The following MGAT5B variants were observed in gnomAD, a reference collection of about 807,000 sequenced individuals.
The protein encoded by MGAT5B is N-acetylglucosaminyl-transferase Vb.
MGAT5B carries 54 observed loss-of-function variants against 95.1 expected under a neutral mutation model. The ratio of observed to expected loss-of-function variants is 0.57; its 90% CI spans 0.46 to 0.71. MGAT5B has a LOEUF of 0.71. MGAT5B is among the 30% of genes least tolerant of loss of function. The pLI is 0.00. For missense variants in MGAT5B, 935 were observed against 1,088.6 expected (o/e 0.86, Z 1.99); for synonymous variants, 464 against 451.0 (o/e 1.03, Z -0.36).
chr17:76,948,323 C>G (rs1970100526), intron 17 of MGAT5B, among the ~76,000 whole-genome samples: 1 of 152,238 alleles, frequency 6.6e-6, no homozygotes, highest in South Asian at 2.1e-4. Flanking sequence ...ATTGCCTGCT[C>G]TCTTCCACCC....
At position 76,926,724 on chromosome 17, in the gene MGAT5B, A is replaced by C; in HGVS notation, c.1285A>C (p.Met429Leu). The change falls in exon 10 of 18, where the codon ATG (methionine) becomes CTG (leucine). Residue 429 changes from methionine to leucine, a missense_variant. Coordinates refer to ENST00000569840, the MANE Select transcript of MGAT5B (RefSeq NM_001199172.2). ...WNLNPKQFMT[M>L]FPHTPDNSFM... ...CCTCAACCCCAAGCAGTTCATGACCATGTTTCGTGAGTGCCCCACAGGGCA... is the reference window on the plus strand; with the variant it reads ...CCTCAACCCCAAGCAGTTCATGACCCTGTTTCGTGAGTGCCCCACAGGGCA... 1 of 1,612,534 alleles carries C rather than the reference A, an allele frequency of 6.2e-7. No homozygotes were observed. The highest frequency in any genetic ancestry group is 8.5e-7 in the Non-Finnish European group (1 of 1,179,818).
rs139419631 is a variant in MGAT5B at position 76,882,065 on chromosome 17, C to G, written c.182-86C>G. 1.9e-3 allele frequency: 2,751 copies of G among 1,459,244 alleles called. 42 individuals are homozygous for G. In the African/African-American group the frequency reaches 0.035, roughly 18 times the overall value. The allele number at this position is 1,459,244 out of a possible 1,614,324, so 90.4% of individuals were successfully genotyped here. On this transcript the variant is annotated intron_variant, in intron 2 of 17. Coordinates refer to ENST00000569840, the MANE Select transcript of MGAT5B (RefSeq NM_001199172.2). ...TGGTGCTGGGGGACTTTGGGGCCAGCTTTGTCTGAGCTGCCCCAGCTCGGA... is the reference window on the plus strand; with the variant it reads ...TGGTGCTGGGGGACTTTGGGGCCAGGTTTGTCTGAGCTGCCCCAGCTCGGA...
At chr17:76,932,523 G>C (rs1309811628) in intron 10 of MGAT5B, 122 bp from the exon 11 acceptor site, 3 of 1,439,570 alleles carry the variant, frequency 2.1e-6, no homozygotes, top group Non-Finnish European at 2.8e-6. Context: ...ACCGCACCCT[G>C]TGCCCCGCCC....
intron 2 of MGAT5B, among the ~76,000 whole-genome samples, chr17:76,878,474 G>A (rs1967279311): frequency 6.6e-6 from 1 of 152,076 alleles, no homozygotes; most frequent in Non-Finnish European, 1.5e-5. Flanking sequence ...ATGTCCTCAG[G>A]GTTTTTGTTT....
rs1273640980 is a variant in MGAT5B at position 76,948,683 on chromosome 17, C to G, written c.2224C>G (p.Leu742Val). ...CAGCACCGAGTCGGAGATGAACCAC[C>G]TGTACCCGGCGTTCGCCCAGCCTGG... ...CDSTESEMNH[L>V]YPAFAQPGQE... The change falls in exon 18 of 18, where the codon CTG becomes GTG. Residue 742 changes from leucine (L) to valine (V), a missense_variant. By Grantham distance (32) the Leu-to-Val change is conservative. Coordinates refer to ENST00000569840, the MANE Select transcript of MGAT5B (RefSeq NM_001199172.2). The G allele has an allele frequency of 6.2e-7, 1 of 1,613,452 alleles. No homozygotes were observed. Among genetic ancestry groups the G allele is most frequent in the Admixed American group, 1.7e-5 (1 of 59,982 alleles).
At position 76,935,727 on chromosome 17, in the gene MGAT5B, C is replaced by T. The variant is rs529931546; in HGVS notation, c.1429-2261C>T. Among the ~76,000 whole-genome samples the T allele has an allele frequency of 3.5e-5, 5 of 144,142 alleles. No individual in the cohort carries two copies. The East Asian group carries it at 5.9e-4, about 17-fold the overall frequency. 94.6% of individuals were successfully genotyped at this position (144,142 alleles called of 152,430 possible). On this transcript the variant is annotated intron_variant, in intron 12 of 17. Coordinates refer to ENST00000569840, the MANE Select transcript of MGAT5B (RefSeq NM_001199172.2). ...CTTTATATATCCTGGATCCAAGTCT[C>T]GTATCAAATATATGCTTTATAAATA...
intron 12 of MGAT5B, 49 bp from the exon 13 acceptor site, chr17:76,937,939 C>T (rs768272208): frequency 6.2e-7 from 1 of 1,600,740 alleles, no homozygotes; most frequent in African/African-American, 1.3e-5. Context: ...ATGGACTTTG[C>T]CTTCTGTGGT....
chr17:76,920,093 C>A (rs956535218), intron 8 of MGAT5B, among the ~76,000 whole-genome samples: 13 of 152,204 alleles, frequency 8.5e-5, no homozygotes, highest in African/African-American at 2.9e-4. Context: ...GAAATATATT[C>A]TAACCAGCCA....
rs979488984 is a variant in MGAT5B, at chr17:76,889,745, C to T, written c.329+7447C>T. On this transcript the variant is annotated intron_variant, in intron 3 of 17. Transcript: ENST00000569840. This position sits in a 1 kb window ranked among gnomAD's most constrained non-coding sequence, Gnocchi z 4.4. ...CACTAGAGCTTGGTGAGGAGGATCC[C>T]ATCCAGGTCTGATCCAGGCCTGCAC... Among the ~76,000 whole-genome samples, 1 of 152,200 alleles carries T rather than the reference C, an allele frequency of 6.6e-6. No homozygotes were observed. Among genetic ancestry groups the T allele is most frequent in the African/African-American group, 2.4e-5 (1 of 41,440 alleles).
At chr17:76,903,672 A>G (rs887587768) in intron 5 of MGAT5B, among the ~76,000 whole-genome samples, 1 of 152,130 alleles carries the variant, frequency 6.6e-6, no homozygotes, top group Non-Finnish European at 1.5e-5. Context: ...GGCCCAGCCA[A>G]CAGCTGGACG....
At position 76,905,537 on chromosome 17, in the gene MGAT5B, A is replaced by G. The variant is rs141880136; in HGVS notation, c.855+204A>G. Among the ~76,000 whole-genome samples the G allele has an allele frequency of 1.4e-3, 218 of 152,280 alleles. No homozygotes were observed. Among genetic ancestry groups the G allele is most frequent in the African/African-American group, 5.0e-3 (208 of 41,560 alleles). On this transcript the variant is annotated intron_variant, in intron 7 of 17. Coordinates refer to ENST00000569840, the MANE Select transcript of MGAT5B (RefSeq NM_001199172.2). This position sits in a 1 kb window ranked among gnomAD's most constrained non-coding sequence, Gnocchi z 4.2. ...TTTTCAAGGTTGGGACCAAATGACAAGCCCCCAAGAGGTCCTGCATTCTGT... is the reference window on the plus strand; with the variant it reads ...TTTTCAAGGTTGGGACCAAATGACAGGCCCCCAAGAGGTCCTGCATTCTGT...
At chr17:76,942,538 A>T (rs1733920496) in intron 15 of MGAT5B, among the ~76,000 whole-genome samples, 1 of 152,154 alleles carries the variant, frequency 6.6e-6, no homozygotes. Context: ...AAAAAATTTT[A>T]AAAAGATAAA....
chr17:76,938,250 C>G lies in MGAT5B; in HGVS notation c.1584+107C>G. The G allele has an allele frequency of 2.1e-6, 3 of 1,399,594 alleles. No homozygotes were observed. The highest frequency in any genetic ancestry group is 2.6e-5 in the South Asian group (2 of 76,922). 86.7% of individuals were successfully genotyped at this position (1,399,594 alleles called of 1,614,324 possible). A position where few individuals can be genotyped will look rare whatever the true frequency, so the allele number is the denominator to read the frequency against. Reference sequence around the variant, plus strand: ...CAGGCCCCTTCCACATATGGACATACCCCAGCATGCTCTGCTGCCCTGAGC... The same window carrying G: ...CAGGCCCCTTCCACATATGGACATAGCCCAGCATGCTCTGCTGCCCTGAGC... On this transcript the variant is annotated intron_variant, in intron 13 of 17. Transcript: ENST00000569840. The surrounding 1 kb of genome is among the most constrained non-coding windows in gnomAD (Gnocchi z 4.3).
intron 3 of MGAT5B, among the ~76,000 whole-genome samples, chr17:76,901,692 T>C (rs1032517130): frequency 6.6e-6 from 1 of 152,254 alleles, no homozygotes. Context: ...AAGCCAGTGA[T>C]AATTTACCGG....
chr17:76,931,375 G>T (rs1421991025), intron 10 of MGAT5B, among the ~76,000 whole-genome samples: 3 of 152,220 alleles, frequency 2.0e-5, no homozygotes, highest in Admixed American at 1.3e-4. Flanking sequence ...GGGATGACAG[G>T]CATGAGCCAC....
In MGAT5B at chr17:76,915,313, C is replaced by T. The variant is rs929215217; in HGVS notation, c.1025+9126C>T. On this transcript the variant is annotated intron_variant, in intron 8 of 17. Coordinates refer to ENST00000569840, the MANE Select transcript of MGAT5B (RefSeq NM_001199172.2). The surrounding 1 kb of genome is among the most constrained non-coding windows in gnomAD (Gnocchi z 8.7). ...GAGAAGGAGAAGAGACCAGGGTATA[C>T]TGTAAATGCAGCGGGGTGGGGGGCC... Among the ~76,000 whole-genome samples the T allele has an allele frequency of 1.4e-4, 19 of 139,916 alleles. No individual in the cohort carries two copies. The highest frequency in any genetic ancestry group is 5.1e-4 in the African/African-American group (19 of 37,614). 91.8% of individuals were successfully genotyped at this position (139,916 alleles called of 152,430 possible).
chr17:76,941,281 G>A (rs139421977), intron 15 of MGAT5B, among the ~76,000 whole-genome samples: 39 of 152,338 alleles, frequency 2.6e-4, no homozygotes, highest in African/African-American at 9.1e-4. Flanking sequence ...CTGTTAATGC[G>A]GGGCAACGCT....
In MGAT5B at chr17:76,939,029, G is replaced by GGGGGGGT. The variant is rs1237086611; in HGVS notation, c.1584+887_1584+888insGGGGGTG. On this transcript the variant is annotated intron_variant, in intron 13 of 17. Transcript: ENST00000569840. ...AGCTTGTTTCCCAAGGCATCTTGGG[G>GGGGGGGT]GTGTGTGTGTGTGTGTGTGTGTGTG... Among the ~76,000 whole-genome samples the GGGGGGGT allele has an allele frequency of 4.0e-4, 51 of 128,256 alleles. No individual in the cohort carries two copies. In the East Asian group the frequency reaches 4.6e-3, roughly 12 times the overall value. The allele number at this position is 128,256 out of a possible 152,430, so 84.1% of individuals were successfully genotyped here.
rs1490327115 is a variant in MGAT5B, at chr17:76,940,628, G to C, written c.1731+80G>C. The C allele has an allele frequency of 1.3e-6, 2 of 1,585,316 alleles. No individual in the cohort carries two copies. Among genetic ancestry groups the C allele is most frequent in the African/African-American group, 2.7e-5 (2 of 74,492 alleles). ...GCAGGTCCTGGAAGAGGCAGACTGA[G>C]ATGTGGGGCAAAAGGAGATAGGACA... On this transcript the variant is annotated intron_variant, in intron 14 of 17. Coordinates refer to ENST00000569840, the MANE Select transcript of MGAT5B (RefSeq NM_001199172.2). The surrounding 1 kb of genome is among the most constrained non-coding windows in gnomAD (Gnocchi z 4.3).
Sources: allele counts gnomAD v4.1 joint callset (sites outside exome capture counted in the v4.1 genomes callset), GRCh38; gene constraint gnomAD v4.1.1; non-coding constraint Gnocchi (gnomAD v3.1); transcripts MANE v1.5; gene names NCBI Gene and HGNC (gene_info 2026-07-23, HGNC 2026-07-21).